Variants in ADGRL3 observed in about 807,000 individuals in gnomAD.
ADGRL3 encodes the protein calcium-independent alpha-latrotoxin receptor 3.
Under a neutral mutation model 153.5 loss-of-function variants are expected in ADGRL3, and 62 were observed. The ratio of observed to expected loss-of-function variants is 0.40; its 90% confidence interval spans 0.33 to 0.50. The LOEUF (loss-of-function observed/expected upper bound fraction) is 0.50, where lower values mean the gene tolerates loss of function less well. Ranked by LOEUF, ADGRL3 falls within the 20% of genes least tolerant of loss-of-function variation. The pLI is 0.47. For missense variants in ADGRL3, 1,641 were observed against 1,859.4 expected (o/e 0.88, Z 2.16); for synonymous variants, 710 against 672.5 (o/e 1.06, Z -0.86).
At chr4:61,745,303 G>A (rs921309813) in intron 8 of ADGRL3, among the ~76,000 whole-genome samples, 10 of 152,158 alleles carry the variant, frequency 6.6e-5, no homozygotes, top group African/African-American at 2.4e-4. Flanking sequence ...TTATCCAGGA[G>A]AACTTCCCCA....
intron 24 of ADGRL3, among the ~76,000 whole-genome samples, chr4:62,042,419 AT>A (rs1343021505): frequency 3.3e-5 from 5 of 151,814 alleles, no homozygotes; most frequent in Admixed American, 6.6e-5. Context: ...AGAAAAAAAA[AT>A]ATTTTATATT....
At chr4:61,487,633 A>G (rs1047884463) in intron 2 of ADGRL3, among the ~76,000 whole-genome samples, 4 of 152,116 alleles carry the variant, frequency 2.6e-5, no homozygotes, top group African/African-American at 7.2e-5. Context: ...AATCATAAAA[A>G]TCAATCCTTG....
intron 21 of ADGRL3, among the ~76,000 whole-genome samples, chr4:62,015,808 G>T (rs1231855455): frequency 6.6e-6 from 1 of 151,066 alleles, no homozygotes; most frequent in Non-Finnish European, 1.5e-5. Flanking sequence ...TTTACTTGCT[G>T]ATATACATTT....
At chr4:61,445,123 T>G (rs1038021276) in intron 2 of ADGRL3, among the ~76,000 whole-genome samples, 5 of 152,210 alleles carry the variant, frequency 3.3e-5, no homozygotes, top group African/African-American at 1.2e-4. Context: ...TCTCCATTAT[T>G]TCAGATACTC....
intron 2 of ADGRL3, among the ~76,000 whole-genome samples, chr4:61,469,892 A>G (rs146701327): frequency 3.2e-4 from 49 of 152,040 alleles, no homozygotes; most frequent in African/African-American, 1.1e-3. Context: ...TGTCATGACA[A>G]TAATAATTAA....
chr4:62,002,122 C>T (rs1233741985), intron 21 of ADGRL3, among the ~76,000 whole-genome samples: 1 of 151,700 alleles, frequency 6.6e-6, no homozygotes, highest in Non-Finnish European at 1.5e-5. Flanking sequence ...CTTGTCCCTG[C>T]CTTCACTGGC....
intron 1 of ADGRL3, among the ~76,000 whole-genome samples, chr4:61,263,197 T>C (rs1194939986): frequency 6.6e-6 from 1 of 152,016 alleles, no homozygotes; most frequent in East Asian, 1.9e-4. Context: ...ATTTCCTGAA[T>C]ATATATCATT....
chr4:61,877,963 C>G (rs1017960185), intron 9 of ADGRL3, among the ~76,000 whole-genome samples: 1 of 152,176 alleles, frequency 6.6e-6, no homozygotes, highest in Non-Finnish European at 1.5e-5. Flanking sequence ...TTCACTCTCT[C>G]TCTTGCTTGC....
rs1306214339 is a variant in ADGRL3 at position 62,070,551 on chromosome 4, C to G, written c.4275C>G (p.Pro1425=). 2 of 1,550,968 alleles carry G rather than the reference C, an allele frequency of 1.3e-6. No individual in the cohort carries two copies. The highest frequency in any genetic ancestry group is 1.4e-5 in the African/African-American group (1 of 72,816). ...ACCATTATACCAGAAGGCGGATCCC[C>G]CAAGACCACAGTGAGAGCTTTTTCC... ...QPHHYTRRRI[P]QDHSESFFPL... Residue 1425 remains proline (P), a synonymous_variant, in exon 27 of 27, where the codon CCC becomes CCG. Coordinates refer to ENST00000683033, the MANE Select transcript of ADGRL3 (RefSeq NM_001387552.1).
At chr4:61,444,013 A>G (rs1038514478) in intron 2 of ADGRL3, among the ~76,000 whole-genome samples, 1 of 152,182 alleles carries the variant, frequency 6.6e-6, no homozygotes, top group Non-Finnish European at 1.5e-5. Flanking sequence ...TTGAGAAACA[A>G]TGACAGGAAT....
chr4:62,016,232 A>G (rs2099210991), intron 21 of ADGRL3, among the ~76,000 whole-genome samples: 1 of 152,042 alleles, frequency 6.6e-6, no homozygotes, highest in Non-Finnish European at 1.5e-5. Flanking sequence ...TATTTTTAGT[A>G]GAGATGGGGT....
At chr4:61,611,492 G>A (rs1483293230) in intron 5 of ADGRL3, among the ~76,000 whole-genome samples, 1 of 152,130 alleles carries the variant, frequency 6.6e-6, no homozygotes, top group Non-Finnish European at 1.5e-5. Context: ...TTTGAAATAT[G>A]AGTATTAGCA....
chr4:62,070,859 C>T lies in ADGRL3; in HGVS notation c.4583C>T (p.Pro1528Leu), dbSNP rs2151935759. 1 of 1,551,562 alleles carries T rather than the reference C, an allele frequency of 6.4e-7. No individual in the cohort carries two copies. Among genetic ancestry groups the T allele is most frequent in the East Asian group, 2.4e-5 (1 of 40,896 alleles). ...GTTCCTCCAAACAAAGATGGGACCCCTCCCGAGGGAAGTTCAAAAGGACCG... is the reference window on the plus strand; with the variant it reads ...GTTCCTCCAAACAAAGATGGGACCCTTCCCGAGGGAAGTTCAAAAGGACCG... ...FIVPPNKDGT[P>L]PEGSSKGPAH... Residue 1528 changes from proline (P) to leucine (L), a missense_variant, in exon 27 of 27, where the codon CCT becomes CTT. This residue lies in a region of ADGRL3 where 517 missense variants were observed against 555.0 expected (regional missense o/e 0.93). Coordinates refer to ENST00000683033, the MANE Select transcript of ADGRL3 (RefSeq NM_001387552.1).
At position 61,604,749 on chromosome 4, in the gene ADGRL3, C is replaced by T. The variant is rs1579806022; in HGVS notation, c.473+17309C>T. Among the ~76,000 whole-genome samples, 3 of 152,030 alleles carry T rather than the reference C, an allele frequency of 2.0e-5. No homozygotes were observed. In the East Asian group the frequency reaches 5.8e-4, roughly 29 times the overall value. On this transcript the variant is annotated intron_variant, in intron 5 of 26. Coordinates refer to ENST00000683033, the MANE Select transcript of ADGRL3 (RefSeq NM_001387552.1). ...ATGATTCATTTGTAACAGAGAAAAA[C>T]AAAACTTGTTTTTAGCAGTAATCAA... is the stretch of plus-strand genomic sequence containing the variant.
intron 5 of ADGRL3, among the ~76,000 whole-genome samples, chr4:61,672,475 CAAAT>C (rs1028917840): frequency 1.3e-5 from 2 of 151,976 alleles, no homozygotes; most frequent in African/African-American, 4.8e-5. Context: ...AGCAAGAAAA[CAAAT>C]AACCTAATTT....
chr4:61,536,239 A>G (rs1208420578), intron 4 of ADGRL3, among the ~76,000 whole-genome samples: 1 of 152,064 alleles, frequency 6.6e-6, no homozygotes, highest in Non-Finnish European at 1.5e-5. Context: ...GCTGTGGTCT[A>G]AGATGATACT....
At chr4:61,720,494 A>G (rs1378021290) in intron 6 of ADGRL3, among the ~76,000 whole-genome samples, 1 of 152,248 alleles carries the variant, frequency 6.6e-6, no homozygotes, top group Non-Finnish European at 1.5e-5. Flanking sequence ...CAGGCCATAA[A>G]GTAATTTTCT....
At chr4:61,957,192 T>C (rs978446521) in intron 17 of ADGRL3, among the ~76,000 whole-genome samples, 1 of 152,180 alleles carries the variant, frequency 6.6e-6, no homozygotes, top group African/African-American at 2.4e-5. Context: ...TCCATTTGTT[T>C]ATGTCCTCTC....
chr4:61,807,727 C>T (rs560363983), intron 8 of ADGRL3, among the ~76,000 whole-genome samples: 130 of 151,966 alleles, frequency 8.6e-4, no homozygotes, highest in Non-Finnish European at 1.3e-3. Flanking sequence ...AAAGAAGCCC[C>T]TATATTTTAG....
Sources: allele counts gnomAD v4.1 joint callset (sites outside exome capture counted in the v4.1 genomes callset), GRCh38; gene constraint gnomAD v4.1.1; regional missense constraint gnomAD v4.1.1; transcripts MANE v1.5; gene names NCBI Gene and HGNC (gene_info 2026-07-23, HGNC 2026-07-21).